The following SLIT2 variants were observed in gnomAD, a reference collection of about 807,000 sequenced individuals.
SLIT2 encodes slit guidance ligand 2, also known as slit homolog 2 protein.
A neutral mutation model predicts 185.7 loss-of-function variants in SLIT2; 41 were observed. That is an observed-to-expected ratio of 0.22 (90% CI 0.17 to 0.29). The LOEUF is 0.29. Among genes scored for constraint, SLIT2 ranks in the 10% least tolerant of loss-of-function variants. SLIT2 has a pLI of 1.00. For synonymous variants in SLIT2, 693 were observed against 680.2 expected (o/e 1.02, Z -0.29); for missense variants, 1,571 against 1,909.0 (o/e 0.82, Z 3.30).
intron 9 of SLIT2, among the ~76,000 whole-genome samples, chr4:20,500,982 T>C (rs568530795): frequency 6.6e-6 from 1 of 152,322 alleles, no homozygotes; most frequent in East Asian, 1.9e-4. Context: ...TATCTCTGAT[T>C]CTGTGCTAAT....
intron 33 of SLIT2, among the ~76,000 whole-genome samples, chr4:20,600,558 G>C (rs1259496280): frequency 6.6e-6 from 1 of 151,764 alleles, no homozygotes; most frequent in Non-Finnish European, 1.5e-5. Flanking sequence ...AAGTAGCTGG[G>C]ACTACGGGCA....
Position 20,543,002 on chromosome 4 carries a change from G to A in SLIT2, c.2276+376G>A, listed in dbSNP as rs1015024015. Among the ~76,000 whole-genome samples the A allele has an allele frequency of 8.6e-5, 13 of 151,974 alleles. No individual in the cohort carries two copies. The East Asian group carries it at 1.5e-3, about 18-fold the overall frequency. Reference sequence around the variant, plus strand: ...CATGGAGCATCTTACAAGACTAATGGCCCATGGAATGCACTTTGGGAAATG... The same window carrying A: ...CATGGAGCATCTTACAAGACTAATGACCCATGGAATGCACTTTGGGAAATG... On this transcript the variant is annotated intron_variant, in intron 21 of 36. Coordinates refer to ENST00000504154, the MANE Select transcript of SLIT2 (RefSeq NM_004787.4).
chr4:20,370,865 A>C (rs1157556116), intron 4 of SLIT2, among the ~76,000 whole-genome samples: 1 of 152,090 alleles, frequency 6.6e-6, no homozygotes, highest in Non-Finnish European at 1.5e-5. Flanking sequence ...TTTGGAGAAA[A>C]TGTATGCCGG....
At chr4:20,373,697 AC>A (rs1323232418) in intron 4 of SLIT2, among the ~76,000 whole-genome samples, 1 of 152,110 alleles carries the variant, frequency 6.6e-6, no homozygotes, top group Admixed American at 6.6e-5. Flanking sequence ...ACTTCTAGGG[AC>A]CACAAATATA....
chr4:20,566,338 C>G (rs1314290133), intron 26 of SLIT2, among the ~76,000 whole-genome samples: 3 of 151,952 alleles, frequency 2.0e-5, no homozygotes, highest in Non-Finnish European at 4.4e-5. Context: ...TGTCAGTGTC[C>G]TTTTCAGACA....
At chr4:20,338,208 C>T (rs1290451763) in intron 4 of SLIT2, among the ~76,000 whole-genome samples, 1 of 152,178 alleles carries the variant, frequency 6.6e-6, no homozygotes, top group Non-Finnish European at 1.5e-5. Flanking sequence ...GATTTCTCTT[C>T]CCTTGTGTTA....
chr4:20,482,181 A>G (rs1716766390), intron 6 of SLIT2, among the ~76,000 whole-genome samples: 1 of 151,964 alleles, frequency 6.6e-6, no homozygotes, highest in Non-Finnish European at 1.5e-5. Flanking sequence ...ACCAAATTTA[A>G]TCAAACAGCT....
At chr4:20,372,835 C>T (rs1247576181) in intron 4 of SLIT2, among the ~76,000 whole-genome samples, 1 of 152,062 alleles carries the variant, frequency 6.6e-6, no homozygotes, top group East Asian at 1.9e-4. Context: ...CCTTTAATTT[C>T]TCTCTTTTTA....
In SLIT2 at chr4:20,488,910, C is replaced by T; in HGVS notation, c.703C>T (p.Gln235Ter). 1 of 1,612,562 alleles carries T rather than the reference C, an allele frequency of 6.2e-7. No individual in the cohort carries two copies. Among genetic ancestry groups the T allele is most frequent in the African/African-American group, 1.3e-5 (1 of 75,046 alleles). The change falls in exon 8 of 37, where the codon CAG becomes TAG. Residue 235 changes from glutamine (Q) to a stop codon, truncating the protein, a stop_gained. Coordinates refer to ENST00000504154, the MANE Select transcript of SLIT2 (RefSeq NM_004787.4). LOFTEE classifies it high-confidence loss of function. Reference protein sequence around the residue: ...RQRPRVGLYTQCMGPSHLRGH... With the variant: ...RQRPRVGLYT ...AAGGCCTCGGGTTGGTCTGTACACT[C>T]AGTGTATGGGCCCCTCCCACCTGAG...
At chr4:20,303,323 C>G (rs182186279) in intron 4 of SLIT2, among the ~76,000 whole-genome samples, 42 of 152,182 alleles carry the variant, frequency 2.8e-4, no homozygotes, top group African/African-American at 8.9e-4. Flanking sequence ...TGCAGTGGCT[C>G]TTTATATTTA....
intron 2 of SLIT2, 36 bp from the exon 3 acceptor site, chr4:20,257,832 G>A (rs1185547819): frequency 5.7e-6 from 6 of 1,046,578 alleles, no homozygotes; most frequent in Non-Finnish European, 5.9e-6. Flanking sequence ...ATGGTGAGTG[G>A]TAACATTAAG....
At chr4:20,598,154 G>A (rs1728128436) in intron 32 of SLIT2, 111 bp from the exon 33 acceptor site, 3 of 978,482 alleles carry the variant, frequency 3.1e-6, no homozygotes, top group Non-Finnish European at 2.9e-6. Context: ...ATAGCCATCA[G>A]GAAAACATAA....
rs1262560032 is a variant in SLIT2, at chr4:20,533,624, G to A, written c.1741G>A (p.Ala581Thr). ...TATTGAGGAGGGAGCATTTGAAGGA[G>A]CATCTGGTGTAAATGAAATACTTCT... ...TDIEEGAFEG[A>T]SGVNEILLTS... Residue 581 changes from alanine (A) to threonine (T), a missense_variant, in exon 18 of 37, where the codon GCA becomes ACA. By Grantham distance (58) the Ala-to-Thr change is moderately conservative. This residue lies in a region of SLIT2 where 1,202 missense variants were observed against 1,416.4 expected (regional missense o/e 0.85). Transcript: ENST00000504154. 3 of 1,610,760 alleles carry A rather than the reference G, an allele frequency of 1.9e-6. No individual in the cohort carries two copies. The highest frequency in any genetic ancestry group is 1.1e-5 in the South Asian group (1 of 91,014).
chr4:20,397,927 T>G (rs1726041658), intron 4 of SLIT2, among the ~76,000 whole-genome samples: 1 of 151,818 alleles, frequency 6.6e-6, no homozygotes, highest in Non-Finnish European at 1.5e-5. Context: ...ACCCATGGTG[T>G]GCAGTGCCAT....
intron 4 of SLIT2, among the ~76,000 whole-genome samples, chr4:20,275,881 G>A (rs1714125205): frequency 6.6e-6 from 1 of 152,084 alleles, no homozygotes; most frequent in South Asian, 2.1e-4. Context: ...ACAAATGAAG[G>A]AAAAATACAA....
At chr4:20,573,618 A>G (rs188019962) in intron 29 of SLIT2, among the ~76,000 whole-genome samples, 46 of 152,292 alleles carry the variant, frequency 3.0e-4, no homozygotes, top group African/African-American at 7.9e-4. Flanking sequence ...TTTGGAATGA[A>G]AAACATAGGT....
chr4:20,570,735 A>ATATATATATATATATATG (rs1725521018), intron 29 of SLIT2, among the ~76,000 whole-genome samples: 1 of 19,812 alleles, frequency 5.0e-5, no homozygotes, highest in Non-Finnish European at 9.0e-5. Context: ...ATATATGTAT[A>ATATATATATATATATATG]TATATATATA....
chr4:20,410,149 A>G (rs965932469), intron 4 of SLIT2, among the ~76,000 whole-genome samples: 5 of 149,246 alleles, frequency 3.4e-5, no homozygotes, highest in African/African-American at 9.9e-5. Context: ...GCCTGTGCCT[A>G]TGTCCCAAAT....
At chr4:20,570,456 C>G (rs1007968849) in intron 29 of SLIT2, among the ~76,000 whole-genome samples, 20 of 151,756 alleles carry the variant, frequency 1.3e-4, no homozygotes, top group Non-Finnish European at 2.2e-4. Context: ...TTTGAGCTGC[C>G]TAAGAATTTA....
Sources: allele counts gnomAD v4.1 joint callset (sites outside exome capture counted in the v4.1 genomes callset), GRCh38; gene constraint gnomAD v4.1.1; regional missense constraint gnomAD v4.1.1; transcripts MANE v1.5; gene names NCBI Gene and HGNC (gene_info 2026-07-23, HGNC 2026-07-21).